RASGRP3: variants seen among roughly 807,000 people sequenced by gnomAD.
The protein encoded by RASGRP3 is ras guanyl-releasing protein 3.
Under a neutral mutation model 82.7 loss-of-function variants are expected in RASGRP3, and 54 were observed. The observed-to-expected ratio is 0.65, with a 90% confidence interval of 0.52 to 0.82. The LOEUF (loss-of-function observed/expected upper bound fraction) is 0.82. Ranked by LOEUF, RASGRP3 falls within the 40% of genes least tolerant of loss-of-function variation. The pLI, the probability that RASGRP3 is intolerant of heterozygous loss-of-function variation, is 0.00. For missense variants in RASGRP3, 861 were observed against 828.9 expected, an observed-to-expected ratio of 1.04 and a Z score of -0.48; for synonymous variants, 309 against 300.5, an observed-to-expected ratio of 1.03 and a Z score of -0.29.
chr2:33,562,071 T>C (rs1004424309), intron 17 of RASGRP3, among the ~76,000 whole-genome samples: 9 of 152,192 alleles, frequency 5.9e-5, no homozygotes, highest in African/African-American at 1.9e-4. Flanking sequence ...CATATACATA[T>C]GTAGATTTAC....
At chr2:33,520,728 C>T (rs752802001) in intron 6 of RASGRP3, 44 bp downstream of exon 6, 8 of 1,605,772 alleles carry the variant, frequency 5.0e-6, no homozygotes, top group Non-Finnish European at 6.8e-6. Flanking sequence ...AAGTCCACCA[C>T]TTAGGGGAGG....
chr2:33,529,515 T>C (rs1450733467), intron 10 of RASGRP3, among the ~76,000 whole-genome samples: 1 of 64,978 alleles, frequency 1.5e-5, no homozygotes, highest in African/African-American at 6.6e-5. Flanking sequence ...GGAGTACAAA[T>C]GAAAAAAATC....
At chr2:33,464,258 A>G (rs1435570361) in intron 2 of RASGRP3, among the ~76,000 whole-genome samples, 1 of 149,406 alleles carries the variant, frequency 6.7e-6, no homozygotes, top group Non-Finnish European at 1.5e-5. Context: ...AGCTGGGATT[A>G]TAGGGACATG....
rs536893092 is a variant in RASGRP3, at chr2:33,537,822, C to G, written c.1162-1272C>G. 2.6e-5 allele frequency among the ~76,000 whole-genome samples: 4 copies of G among 152,240 alleles called. No individual in the cohort carries two copies. In the South Asian group the frequency reaches 8.3e-4, roughly 32 times the overall value. ...GGATTGTGTTCTGTGCTTGTGTTAT[C>G]CAAGCATGTTATGCATTGTGCTACC... On this transcript the variant is annotated intron_variant, in intron 11 of 17. Coordinates refer to ENST00000403687, the MANE Select transcript of RASGRP3 (RefSeq NM_001139488.2).
chr2:33,525,645 T>G (rs1410554188), intron 9 of RASGRP3, among the ~76,000 whole-genome samples: 1 of 134,872 alleles, frequency 7.4e-6, no homozygotes. Flanking sequence ...GGAGGATTGC[T>G]TGAAGCCAGG....
Position 33,461,467 on chromosome 2 carries a change from G to A in RASGRP3, c.-261+13524G>A, listed in dbSNP as rs1443749754. 9.2e-5 allele frequency among the ~76,000 whole-genome samples: 14 copies of A among 152,248 alleles called. No individual in the cohort carries two copies. The South Asian group carries it at 1.7e-3, about 18-fold the overall frequency. On this transcript the variant is annotated intron_variant, in intron 2 of 18. Transcript: ENST00000402538. ...TAATTTTTGTATTTTTAGTAGAGGC[G>A]GGGTTTCGCCATGTTGGCCAGGCTG...
chr2:33,482,771 AT>A (rs1668051435), intron 1 of RASGRP3: 1 of 152,204 alleles, frequency 6.6e-6, no homozygotes, highest in Non-Finnish European at 1.5e-5. Flanking sequence ...TTGCCTGATG[AT>A]TTTACAGTGC....
Position 33,562,909 on chromosome 2 carries a change from CCTAACTAA to C in RASGRP3, c.*180_*187del, listed in dbSNP as rs10572554. On this transcript the variant is annotated 3_prime_UTR_variant, in exon 18 of 18. Transcript: ENST00000403687. ...TTGGACTATGGGACAGAGAATTGACCCTAACTAACTAACTATGAACTATTTATTTCCTC... is the reference window on the plus strand; with the variant it reads ...TTGGACTATGGGACAGAGAATTGACCCTAACTATGAACTATTTATTTCCTC... 5.4e-5 allele frequency: 37 copies of C among 691,536 alleles called. No individual in the cohort carries two copies. The Middle Eastern group carries it at 7.4e-4, about 14-fold the overall frequency. 42.8% of individuals were successfully genotyped at this position (691,536 alleles called of 1,614,324 possible). A position where few individuals can be genotyped will look rare whatever the true frequency, so the allele number is the denominator to read the frequency against.
In RASGRP3 at chr2:33,486,169, T is replaced by A. The variant is rs1283440115; in HGVS notation, c.-261+9462T>A. Among the ~76,000 whole-genome samples, 670 of 151,364 alleles carry A rather than the reference T, an allele frequency of 4.4e-3. 16 individuals carry two copies. The East Asian group carries it at 0.052, about 12-fold the overall frequency. Reference sequence around the variant, plus strand: ...TTTCTTTCTTTCTTTTATTTATTTTTTTTTTTTTTGAGAGAGAGAGAGTCT... The same window carrying A: ...TTTCTTTCTTTCTTTTATTTATTTTATTTTTTTTTGAGAGAGAGAGAGTCT... On this transcript the variant is annotated intron_variant, in intron 1 of 17. Transcript: ENST00000403687.
intron 1 of RASGRP3, among the ~76,000 whole-genome samples, chr2:33,446,073 G>A (rs1665483568): frequency 6.6e-6 from 1 of 152,154 alleles, no homozygotes; most frequent in Non-Finnish European, 1.5e-5. Context: ...GCCTTTTCCT[G>A]AAGGACAAAG....
At chr2:33,517,556 C>A (rs1373740893) in intron 4 of RASGRP3, among the ~76,000 whole-genome samples, 1 of 152,200 alleles carries the variant, frequency 6.6e-6, no homozygotes, top group Non-Finnish European at 1.5e-5. Flanking sequence ...GCTTCCTCCA[C>A]TTTCTACTTC....
In RASGRP3 at chr2:33,537,320, A is replaced by ACACCCC. The variant is rs771052774; in HGVS notation, c.1162-1773_1162-1772insACCCCC. 7.2e-4 allele frequency among the ~76,000 whole-genome samples: 24 copies of ACACCCC among 33,318 alleles called. 1 individual carries two copies. The highest frequency in any genetic ancestry group is 4.3e-3 in the East Asian group (7 of 1,618). 21.9% of individuals were successfully genotyped at this position (33,318 alleles called of 152,430 possible). A position where few individuals can be genotyped will look rare whatever the true frequency, so the allele number is the denominator to read the frequency against. ...GTCTCTAAAATACACACACACACAC[A>ACACCCC]CCGCCCCCCCCACACACACACACAA... On this transcript the variant is annotated intron_variant, in intron 11 of 17. Coordinates refer to ENST00000403687, the MANE Select transcript of RASGRP3 (RefSeq NM_001139488.2).
chr2:33,447,229 C>G (rs995954537), intron 1 of RASGRP3, among the ~76,000 whole-genome samples: 5 of 151,974 alleles, frequency 3.3e-5, no homozygotes, highest in African/African-American at 9.7e-5. Context: ...CAGTGAGAAT[C>G]AGGGACCTAC....
intron 13 of RASGRP3, among the ~76,000 whole-genome samples, chr2:33,545,882 G>A (rs1377704220): frequency 1.3e-5 from 2 of 152,054 alleles, no homozygotes; most frequent in Admixed American, 1.3e-4. Flanking sequence ...TCGGCTTATT[G>A]CAACCTCTGC....
chr2:33,519,245 T>C (rs150331087), intron 4 of RASGRP3, among the ~76,000 whole-genome samples: 1 of 152,338 alleles, frequency 6.6e-6, no homozygotes, highest in East Asian at 1.9e-4. Flanking sequence ...TATGCAGTCC[T>C]TCATTGACTG....
At chr2:33,469,492 A>G (rs7587952) in intron 2 of RASGRP3, among the ~76,000 whole-genome samples, 8,480 of 147,956 alleles carry the variant, frequency 0.057, 785 homozygotes, top group African/African-American at 0.2. Context: ...ATGGAGTCTC[A>G]TTCTGTTACC....
chr2:33,529,773 T>C (rs1175984471), intron 10 of RASGRP3, among the ~76,000 whole-genome samples: 3 of 152,056 alleles, frequency 2.0e-5, no homozygotes, highest in Non-Finnish European at 4.4e-5. Context: ...AAACAAGGGT[T>C]TTATGCTCAT....
intron 9 of RASGRP3, among the ~76,000 whole-genome samples, chr2:33,525,587 G>A (rs1312139303): frequency 6.6e-6 from 1 of 151,262 alleles, no homozygotes; most frequent in Non-Finnish European, 1.5e-5. Flanking sequence ...CGTCCATCAG[G>A]CGTGGTGGCT....
intron 1 of RASGRP3, among the ~76,000 whole-genome samples, chr2:33,440,093 G>A (rs1303192562): frequency 6.6e-6 from 1 of 152,196 alleles, no homozygotes; most frequent in Non-Finnish European, 1.5e-5. Flanking sequence ...GCAGGTCAGG[G>A]AGTTAGTGAG....
Sources: allele counts gnomAD v4.1 joint callset (sites outside exome capture counted in the v4.1 genomes callset), GRCh38; gene constraint gnomAD v4.1.1; transcripts MANE v1.5; gene names NCBI Gene and HGNC (gene_info 2026-07-23, HGNC 2026-07-21).